The following SPECC1 variants were observed in gnomAD, a reference collection of about 807,000 sequenced individuals.
SPECC1 encodes the protein sperm antigen with calponin homology and coiled-coil domains 1, also known as cytospin-B.
Under a neutral mutation model 104.1 loss-of-function variants are expected in SPECC1, and 62 were observed. The ratio of observed to expected loss-of-function variants is 0.60; its 90% CI spans 0.49 to 0.74. SPECC1 has a LOEUF of 0.74. SPECC1 is among the 30% of genes least tolerant of loss of function. SPECC1 has a pLI of 0.00. For synonymous variants in SPECC1, 513 were observed against 501.6 expected (o/e 1.02, Z -0.30); for missense variants, 1,306 against 1,310.5 (o/e 1.00, Z 0.05).
rs536724001 is a variant in SPECC1 at position 20,313,833 on chromosome 17, C to T, written c.3118-143C>T. 4.2e-5 allele frequency: 29 copies of T among 693,302 alleles called. No individual in the cohort carries two copies. In the South Asian group the frequency reaches 4.9e-4, roughly 12 times the overall value. 42.9% of individuals were successfully genotyped at this position (693,302 alleles called of 1,614,324 possible). A position where few individuals can be genotyped will look rare whatever the true frequency, so the allele number is the denominator to read the frequency against. On this transcript the variant is annotated intron_variant, in intron 14 of 14. Transcript: ENST00000395527. ...TCCTTTAACTCATCGCTTTCAGCAC[C>T]ACCTGTGCTGGCCTTCACGTTCTGT...
At chr17:20,108,740 G>A (rs190371423) in intron 2 of SPECC1, among the ~76,000 whole-genome samples, 20 of 152,146 alleles carry the variant, frequency 1.3e-4, no homozygotes, top group African/African-American at 4.6e-4. Flanking sequence ...TCTAGTTTTG[G>A]GCTGCTATAA....
intron 1 of SPECC1, among the ~76,000 whole-genome samples, chr17:20,066,515 G>A (rs954287852): frequency 4.6e-5 from 7 of 152,034 alleles, no homozygotes; most frequent in African/African-American, 1.7e-4. Context: ...GATACTTCCC[G>A]GTCTCCCTGC....
rs139391686 is a variant in SPECC1 at position 20,127,137 on chromosome 17, T to C, written c.283+16575T>C. 6.7e-3 allele frequency among the ~76,000 whole-genome samples: 1,028 copies of C among 152,364 alleles called. 11 individuals are homozygous for C. Among genetic ancestry groups the C allele is most frequent in the African/African-American group, 0.024 (979 of 41,582 alleles). The stretch of plus-strand genomic sequence containing the variant: ...AATCTTTAGTCTGATTTCTGTGCTT[T>C]CAAATTATTTCTTCATGACTTCTTG... On this transcript the variant is annotated intron_variant, in intron 3 of 14. Coordinates refer to ENST00000395527, the MANE Select transcript of SPECC1 (RefSeq NM_001243439.2).
chr17:20,039,851 T>C (rs2045253184), intron 1 of SPECC1, among the ~76,000 whole-genome samples: 1 of 152,164 alleles, frequency 6.6e-6, no homozygotes, highest in South Asian at 2.1e-4. Flanking sequence ...GTCACTGCAC[T>C]CAGCCCAAAG....
At chr17:20,122,109 C>T (rs1454025860) in intron 3 of SPECC1, among the ~76,000 whole-genome samples, 1 of 152,042 alleles carries the variant, frequency 6.6e-6, no homozygotes, top group African/African-American at 2.4e-5. Context: ...GTGTCCCCCA[C>T]GTCAAGGGAG....
chr17:20,130,061 G>A (rs1225654511), intron 3 of SPECC1, among the ~76,000 whole-genome samples: 1 of 152,122 alleles, frequency 6.6e-6, no homozygotes, highest in East Asian at 1.9e-4. Context: ...GCTGCCTAGA[G>A]CCACTTCTTT....
At chr17:20,307,555 G>C (rs151190823) in intron 14 of SPECC1, among the ~76,000 whole-genome samples, 1 of 152,326 alleles carries the variant, frequency 6.6e-6, no homozygotes, top group East Asian at 1.9e-4. Context: ...GTCCCCAGCT[G>C]CAAGGGCATT....
At chr17:20,148,741 CAG>C (rs2031706246) in intron 3 of SPECC1, among the ~76,000 whole-genome samples, 1 of 150,470 alleles carries the variant, frequency 6.6e-6, no homozygotes, top group African/African-American at 2.4e-5. Context: ...TTTTTTGAGA[CAG>C]AGTTTTGCTC....
At chr17:20,154,075 C>T (rs963298572) in intron 3 of SPECC1, among the ~76,000 whole-genome samples, 2 of 152,204 alleles carry the variant, frequency 1.3e-5, no homozygotes, top group African/African-American at 4.8e-5. Flanking sequence ...TACTATACTA[C>T]CACTAAAAAG....
At chr17:20,225,290 T>C (rs2038133559) in intron 4 of SPECC1, among the ~76,000 whole-genome samples, 1 of 152,188 alleles carries the variant, frequency 6.6e-6, no homozygotes. Flanking sequence ...CTGGGTCATG[T>C]GCACTCCAAG....
intron 14 of SPECC1, 134 bp from the exon 15 acceptor site, chr17:20,313,842 T>C: frequency 2.7e-6 from 2 of 745,930 alleles, no homozygotes; most frequent in Non-Finnish European, 4.6e-6. Context: ...CCACCTGTGC[T>C]GGCCTTCACG....
chr17:20,238,897 T>C, intron 7 of SPECC1: 1 of 1,042,898 alleles, frequency 9.6e-7, no homozygotes, highest in Non-Finnish European at 1.2e-6. Context: ...TAGAAGCGTC[T>C]GCTGCTTAGT....
intron 12 of SPECC1, among the ~76,000 whole-genome samples, chr17:20,292,393 C>G (rs2041201350): frequency 6.6e-6 from 1 of 151,874 alleles, no homozygotes; most frequent in South Asian, 2.1e-4. Flanking sequence ...TGCAGTGGCG[C>G]TATCTCAGCT....
At chr17:20,131,195 C>T (rs1597783408) in intron 3 of SPECC1, among the ~76,000 whole-genome samples, 1 of 152,070 alleles carries the variant, frequency 6.6e-6, no homozygotes, top group South Asian at 2.1e-4. Context: ...AGTTTTATTT[C>T]TTCCTTTTTC....
At chr17:20,247,003 T>C (rs1470630617) in intron 8 of SPECC1, among the ~76,000 whole-genome samples, 2 of 152,216 alleles carry the variant, frequency 1.3e-5, no homozygotes, top group Non-Finnish European at 2.9e-5. Context: ...TGCTCAGCTA[T>C]CCTTCATCTA....
intron 2 of SPECC1, among the ~76,000 whole-genome samples, chr17:20,100,412 C>T (rs530149837): frequency 6.6e-6 from 1 of 152,104 alleles, no homozygotes; most frequent in African/African-American, 2.4e-5. Flanking sequence ...TTTTCCCTCC[C>T]AATATTTTAC....
chr17:20,291,428 C>G (rs1267042227), intron 12 of SPECC1, among the ~76,000 whole-genome samples: 1 of 152,168 alleles, frequency 6.6e-6, no homozygotes, highest in East Asian at 1.9e-4. Context: ...TCTTTTTGTT[C>G]TGGCTTTCTT....
intron 10 of SPECC1, among the ~76,000 whole-genome samples, chr17:20,254,038 C>A (rs1003037583): frequency 1.3e-5 from 2 of 151,742 alleles, no homozygotes; most frequent in African/African-American, 4.9e-5. Context: ...AAAAATCTTA[C>A]CTGATTTTGA....
chr17:20,146,813 G>C (rs1013415508), intron 3 of SPECC1, among the ~76,000 whole-genome samples: 2 of 152,136 alleles, frequency 1.3e-5, no homozygotes, highest in African/African-American at 4.8e-5. Context: ...GGCTGAGGCA[G>C]GAGAATTGCT....
Sources: gnomAD v4.1 joint callset for allele counts (sites outside exome capture counted in the v4.1 genomes callset) on GRCh38, gnomAD v4.1.1 for gene constraint, MANE v1.5 for transcripts, NCBI Gene and HGNC (gene_info 2026-07-23, HGNC 2026-07-21) for gene names.